CAMTA1: variants seen among roughly 807,000 people sequenced by gnomAD.
The protein encoded by CAMTA1 is calmodulin binding transcription activator 1.
CAMTA1 carries 27 observed loss-of-function variants against 170.9 expected under a neutral mutation model. The observed-to-expected ratio is 0.16, with a 90% CI of 0.12 to 0.22. The LOEUF (loss-of-function observed/expected upper bound fraction) is 0.22. Among genes scored for constraint, CAMTA1 ranks in the 10% least tolerant of loss-of-function variants. The probability of loss-of-function intolerance (pLI) is 1.00; values close to 1 mark genes in which losing one functional copy is unlikely to be tolerated. For synonymous variants in CAMTA1, 833 were observed against 891.5 expected (o/e 0.93, Z 1.17); for missense variants, 1,619 against 2,217.2 (o/e 0.73, Z 5.42).
chr1:7,170,063 C>A (rs2148819322), intron 4 of CAMTA1, among the ~76,000 whole-genome samples: 1 of 152,098 alleles, frequency 6.6e-6, no homozygotes, highest in Middle Eastern at 3.4e-3. Flanking sequence ...ACTTTCTATT[C>A]TTTGAATTTA....
chr1:7,351,499 A>G (rs1470597537), intron 5 of CAMTA1, among the ~76,000 whole-genome samples: 3 of 152,214 alleles, frequency 2.0e-5, no homozygotes, highest in African/African-American at 7.2e-5. Flanking sequence ...TTCTTTCAGC[A>G]GAAGCAGCAG....
intron 11 of CAMTA1, among the ~76,000 whole-genome samples, chr1:7,703,948 G>A (rs552451933): frequency 6.6e-6 from 1 of 152,186 alleles, no homozygotes; most frequent in South Asian, 2.1e-4. Context: ...TAGACCCAAA[G>A]GGTGGGCGGA....
chr1:6,884,241 C>G (rs1473818703), intron 3 of CAMTA1, among the ~76,000 whole-genome samples: 4 of 151,260 alleles, frequency 2.6e-5, no homozygotes, highest in Non-Finnish European at 4.4e-5. Context: ...GCTTCGATGG[C>G]TGAACCTAGC....
chr1:6,895,740 GTGT>G (rs1475994758), intron 3 of CAMTA1, among the ~76,000 whole-genome samples: 4 of 152,112 alleles, frequency 2.6e-5, no homozygotes, highest in Non-Finnish European at 5.9e-5. Context: ...TGGCTCCTTT[GTGT>G]CATTCAGGGC....
intron 6 of CAMTA1, among the ~76,000 whole-genome samples, chr1:7,611,171 T>C (rs1037406813): frequency 7.2e-5 from 11 of 152,182 alleles, no homozygotes; most frequent in African/African-American, 2.4e-4. Flanking sequence ...GCCTAGTCCA[T>C]GCTCTCGGTG....
chr1:7,566,300 G>A lies in CAMTA1; in HGVS notation c.511-74100G>A, dbSNP rs142717316. On this transcript the variant is annotated intron_variant, in intron 6 of 22. Transcript: ENST00000303635. ...GCAAAGAGCCATCGACCCTGTCTCT[G>A]GAGGATGTTGGGAGAGATGATTAAG... 5.0e-3 allele frequency among the ~76,000 whole-genome samples: 766 copies of A among 152,304 alleles called. 6 individuals carry two copies. Among genetic ancestry groups the A allele is most frequent in the African/African-American group, 0.017 (722 of 41,560 alleles).
intron 5 of CAMTA1, among the ~76,000 whole-genome samples, chr1:7,347,958 C>T (rs999943401): frequency 2.6e-5 from 4 of 152,132 alleles, no homozygotes; most frequent in African/African-American, 7.2e-5. Flanking sequence ...AGGATGTGGA[C>T]GTATGTTTTG....
rs1220018819 is a variant in CAMTA1, at chr1:6,965,831, A to G, written c.235-125473A>G. ...ATGCGGCATTAACTGCATATCAGAG[A>G]CCCTTTCAGAAGCCAAACAGGATGA... is the stretch of plus-strand genomic sequence containing the variant. On this transcript the variant is annotated intron_variant, in intron 3 of 22. Coordinates refer to ENST00000303635, the MANE Select transcript of CAMTA1 (RefSeq NM_015215.4). This position sits in a 1 kb window ranked among gnomAD's most constrained non-coding sequence, Gnocchi z 4.1. Among the ~76,000 whole-genome samples, 3 of 152,122 alleles carry G rather than the reference A, an allele frequency of 2.0e-5. No homozygotes were observed. Among genetic ancestry groups the G allele is most frequent in the Admixed American group, 1.3e-4 (2 of 15,268 alleles).
chr1:6,844,272 G>T (rs748090053), intron 3 of CAMTA1, among the ~76,000 whole-genome samples: 2 of 152,122 alleles, frequency 1.3e-5, no homozygotes, highest in Non-Finnish European at 2.9e-5. Flanking sequence ...TGGGGTGTTG[G>T]TAATGTTCTT....
intron 1 of CAMTA1, among the ~76,000 whole-genome samples, chr1:6,793,027 A>T (rs553711329): frequency 7.9e-4 from 120 of 151,620 alleles, no homozygotes; most frequent in Non-Finnish European, 1.5e-3. Flanking sequence ...TATATATCTT[A>T]TATATATATA....
At chr1:6,880,383 G>GTTTTTTTTTTTT (rs34745856) in intron 3 of CAMTA1, among the ~76,000 whole-genome samples, 1 of 67,206 alleles carries the variant, frequency 1.5e-5, no homozygotes, top group African/African-American at 6.1e-5. Flanking sequence ...CTCTAAAAGT[G>GTTTTTTTTTTTT]TTTTTTTTTT....
At chr1:7,453,022 C>A (rs1466578213) in intron 5 of CAMTA1, among the ~76,000 whole-genome samples, 3 of 152,208 alleles carry the variant, frequency 2.0e-5, no homozygotes, top group Non-Finnish European at 4.4e-5. Context: ...TGAAATAAGA[C>A]CCCATCCCAG....
At chr1:7,184,148 T>C (rs191452999) in intron 4 of CAMTA1, among the ~76,000 whole-genome samples, 263 of 152,288 alleles carry the variant, frequency 1.7e-3, no homozygotes, top group Non-Finnish European at 2.8e-3. Context: ...AAACTTTTCA[T>C]GTTCTTGCTT....
intron 3 of CAMTA1, among the ~76,000 whole-genome samples, chr1:6,880,193 C>G (rs1205093710): frequency 6.6e-6 from 1 of 151,726 alleles, no homozygotes; most frequent in African/African-American, 2.4e-5. Context: ...CCTAGGCTTG[C>G]CTCTGGAGTA....
At chr1:7,488,247 C>A (rs907016208) in intron 6 of CAMTA1, among the ~76,000 whole-genome samples, 6 of 152,180 alleles carry the variant, frequency 3.9e-5, no homozygotes, top group Admixed American at 6.5e-5. Context: ...AGCGCCTGGA[C>A]AGGGGGCTGG....
At chr1:7,535,935 A>G (rs1415506174) in intron 6 of CAMTA1, among the ~76,000 whole-genome samples, 1 of 152,230 alleles carries the variant, frequency 6.6e-6, no homozygotes, top group African/African-American at 2.4e-5. Context: ...TGTTGTTTGA[A>G]TCAGAACAAA....
rs932554424 is a variant in CAMTA1, at chr1:7,562,505, G to A, written c.511-77895G>A. 9.2e-5 allele frequency among the ~76,000 whole-genome samples: 14 copies of A among 152,102 alleles called. No individual in the cohort carries two copies. Among genetic ancestry groups the A allele is most frequent in the Admixed American group, 2.6e-4 (4 of 15,272 alleles). On this transcript the variant is annotated intron_variant, in intron 6 of 22. Coordinates refer to ENST00000303635, the MANE Select transcript of CAMTA1 (RefSeq NM_015215.4). The surrounding 1 kb of genome is among the most constrained non-coding windows in gnomAD (Gnocchi z 4.8). ...CAGACGGCTCTGCCCACTCCCGCCC[G>A]CCTGCGACACCTGTCCTGCTGCTCC...
At chr1:6,940,333 C>T (rs1027228912) in intron 3 of CAMTA1, among the ~76,000 whole-genome samples, 1 of 152,200 alleles carries the variant, frequency 6.6e-6, no homozygotes, top group Non-Finnish European at 1.5e-5. Context: ...GGTCAGAAGA[C>T]CAAGGCCCAG....
At position 7,663,435 on chromosome 1, in the gene CAMTA1, G is replaced by C; in HGVS notation, c.888G>C (p.Gly296=). The change falls in exon 9 of 23, where the codon GGG becomes GGC. Residue 296 remains glycine (G), a synonymous_variant. Transcript: ENST00000303635. ...CCAAGGTGGAGCCACGGACAGGGGGGTACGGGAGCCACTCGGAGGTGCAGC... is the reference window on the plus strand; with the variant it reads ...CCAAGGTGGAGCCACGGACAGGGGGCTACGGGAGCCACTCGGAGGTGCAGC... The part of the protein sequence containing the change: ...ISPKVEPRTG[G]YGSHSEVQHN... The C allele has an allele frequency of 1.9e-6, 3 of 1,576,800 alleles. No individual in the cohort carries two copies. Among genetic ancestry groups the C allele is most frequent in the Non-Finnish European group, 2.6e-6 (3 of 1,156,028 alleles).
Sources: gnomAD v4.1 joint callset for allele counts (sites outside exome capture counted in the v4.1 genomes callset) on GRCh38, gnomAD v4.1.1 for gene constraint, Gnocchi (gnomAD v3.1) non-coding constraint, MANE v1.5 for transcripts, NCBI Gene and HGNC (gene_info 2026-07-23, HGNC 2026-07-21) for gene names.